The following ZNF407 variants were observed in gnomAD, a reference collection of about 807,000 sequenced individuals.
ZNF407 encodes zinc finger protein 407.
Under a neutral mutation model 131.2 loss-of-function variants are expected in ZNF407, and 17 were observed. The observed-to-expected ratio is 0.13, with a 90% CI of 0.09 to 0.19. The LOEUF is 0.19. ZNF407 is among the 10% of genes least tolerant of loss of function. ZNF407 has a pLI of 1.00. For missense variants in ZNF407, 2,681 were observed against 2,830.6 expected (o/e 0.95, Z 1.20); for synonymous variants, 1,156 against 1,062.0 (o/e 1.09, Z -1.72).
chr18:74,826,279 G>GGAGA (rs909480761), intron 4 of ZNF407, among the ~76,000 whole-genome samples: 1 of 151,432 alleles, frequency 6.6e-6, no homozygotes, highest in South Asian at 2.1e-4. Context: ...AAAACTGATA[G>GGAGA]GAGAGAGAGA....
chr18:74,643,298 G>A (rs919570170), intron 3 of ZNF407, among the ~76,000 whole-genome samples: 2 of 152,038 alleles, frequency 1.3e-5, no homozygotes, highest in African/African-American at 4.8e-5. Flanking sequence ...AGCAGCTCAT[G>A]CTGCATTTCT....
chr18:75,023,186 G>C (rs570217766), intron 8 of ZNF407, among the ~76,000 whole-genome samples: 4 of 152,214 alleles, frequency 2.6e-5, no homozygotes, highest in Non-Finnish European at 4.4e-5. Context: ...AAGTAGGGGG[G>C]CAGGGAGAGC....
At chr18:74,890,086 G>C in intron 7 of ZNF407, 48 bp downstream of exon 7, 1 of 1,422,176 alleles carries the variant, frequency 7.0e-7, no homozygotes, top group Non-Finnish European at 9.2e-7. Context: ...CGCCATGATG[G>C]ATTAAAAGCC....
At position 74,886,527 on chromosome 18, in the gene ZNF407, A is replaced by G. The variant is rs1183258755; in HGVS notation, c.5129-3391A>G. 5.3e-5 allele frequency among the ~76,000 whole-genome samples: 8 copies of G among 152,334 alleles called. No individual in the cohort carries two copies. The South Asian group carries it at 1.7e-3, about 32-fold the overall frequency. ...CCTTCAGTAGACAAATGGATAATCA[A>G]ACTTGGTACACCCGTATAATGGAAT... is the stretch of plus-strand genomic sequence containing the variant. On this transcript the variant is annotated intron_variant, in intron 6 of 8. Coordinates refer to ENST00000299687, the MANE Select transcript of ZNF407 (RefSeq NM_017757.3).
intron 3 of ZNF407, among the ~76,000 whole-genome samples, chr18:74,722,130 A>AT (rs954463285): frequency 6.7e-6 from 1 of 150,120 alleles, no homozygotes; most frequent in Non-Finnish European, 1.5e-5. Context: ...ATGTTTCTTG[A>AT]TGTTGAACTT....
At chr18:74,668,748 C>G (rs1277022411) in intron 3 of ZNF407, among the ~76,000 whole-genome samples, 1 of 152,076 alleles carries the variant, frequency 6.6e-6, no homozygotes, top group Non-Finnish European at 1.5e-5. Flanking sequence ...TGACTTTTTT[C>G]ATGTTGATTT....
intron 6 of ZNF407, among the ~76,000 whole-genome samples, chr18:74,889,511 C>G (rs1440041147): frequency 6.6e-6 from 1 of 152,066 alleles, no homozygotes; most frequent in Non-Finnish European, 1.5e-5. Flanking sequence ...AGATTTTACT[C>G]AGTTTTAAAT....
chr18:74,986,934 G>A (rs949161604), intron 8 of ZNF407, among the ~76,000 whole-genome samples: 22 of 152,118 alleles, frequency 1.4e-4, no homozygotes, highest in African/African-American at 4.3e-4. Flanking sequence ...TCTTTAACAT[G>A]TTAATGTATG....
intron 3 of ZNF407, among the ~76,000 whole-genome samples, chr18:74,742,300 A>C (rs1361956106): frequency 6.6e-6 from 1 of 152,166 alleles, no homozygotes; most frequent in African/African-American, 2.4e-5. Context: ...TAAATGTATA[A>C]AGAGAATACC....
chr18:75,046,798 G>T, intron 8 of ZNF407, among the ~76,000 whole-genome samples: 1 of 149,592 alleles, frequency 6.7e-6, no homozygotes, highest in South Asian at 2.1e-4. Context: ...CTCCCTCCTT[G>T]CATGTGTTTT....
At chr18:74,871,111 C>G (rs892413545) in intron 4 of ZNF407, among the ~76,000 whole-genome samples, 3 of 152,142 alleles carry the variant, frequency 2.0e-5, no homozygotes, top group Non-Finnish European at 2.9e-5. Flanking sequence ...GGGACACTTT[C>G]TAAGCACACG....
intron 4 of ZNF407, among the ~76,000 whole-genome samples, chr18:74,830,646 G>A (rs1008531718): frequency 2.0e-5 from 3 of 152,124 alleles, no homozygotes; most frequent in Admixed American, 6.5e-5. Flanking sequence ...TTGATGTAAT[G>A]TATGGCGTAT....
At chr18:74,888,738 C>T (rs971403068) in intron 6 of ZNF407, among the ~76,000 whole-genome samples, 2 of 152,048 alleles carry the variant, frequency 1.3e-5, no homozygotes, top group African/African-American at 4.8e-5. Context: ...AATTAAAAGC[C>T]GATAAGACTC....
chr18:74,910,454 T>C (rs1033934166), intron 7 of ZNF407, among the ~76,000 whole-genome samples: 2 of 152,260 alleles, frequency 1.3e-5, no homozygotes, highest in East Asian at 3.9e-4. Context: ...AGGTTAATTT[T>C]ATATTGAAAG....
At chr18:74,612,536 T>G (rs961071007) in intron 1 of ZNF407, among the ~76,000 whole-genome samples, 3 of 152,198 alleles carry the variant, frequency 2.0e-5, no homozygotes, top group Non-Finnish European at 4.4e-5. Context: ...AGGAATGTGA[T>G]AGAACTTAAC....
At chr18:74,681,729 TG>T (rs1225789247) in intron 3 of ZNF407, among the ~76,000 whole-genome samples, 1 of 152,246 alleles carries the variant, frequency 6.6e-6, no homozygotes, top group Non-Finnish European at 1.5e-5. Flanking sequence ...TTTCATATTT[TG>T]TCAGACAGGA....
intron 8 of ZNF407, among the ~76,000 whole-genome samples, chr18:74,985,714 C>T (rs1242243013): frequency 2.6e-5 from 4 of 152,178 alleles, no homozygotes; most frequent in African/African-American, 7.2e-5. Flanking sequence ...AGGAGCCACA[C>T]GTGGGGCCCA....
At chr18:75,061,660 C>T (rs1729794924) in intron 8 of ZNF407, 1 of 152,744 alleles carries the variant, frequency 6.5e-6, no homozygotes, top group African/African-American at 2.4e-5. Context: ...CCAGGCCTTT[C>T]AGAATCCCAC....
chr18:74,666,969 C>T (rs748014453), intron 3 of ZNF407, among the ~76,000 whole-genome samples: 20 of 152,154 alleles, frequency 1.3e-4, no homozygotes, highest in Non-Finnish European at 1.9e-4. Flanking sequence ...TTGTCCGCCC[C>T]GCCTTCATCT....
Sources: gnomAD v4.1 joint callset for allele counts (sites outside exome capture counted in the v4.1 genomes callset) on GRCh38, gnomAD v4.1.1 for gene constraint, MANE v1.5 for transcripts, NCBI Gene and HGNC (gene_info 2026-07-23, HGNC 2026-07-21) for gene names.